The following PTBP3 variants were observed in gnomAD, a reference collection of about 807,000 sequenced individuals.
PTBP3 encodes the protein polypyrimidine tract binding protein 3, also known as polypyrimidine tract-binding protein 3.
A neutral mutation model predicts 58.7 loss-of-function variants in PTBP3; 20 were observed. That is an observed-to-expected ratio of 0.34 (90% CI 0.24 to 0.50). The LOEUF is 0.50. PTBP3 is among the 20% of genes least tolerant of loss of function. The pLI, the probability that PTBP3 is intolerant of heterozygous loss-of-function variation, is 0.98. For synonymous variants in PTBP3, 185 were observed against 219.8 expected, an observed-to-expected ratio of 0.84 and a Z score of 1.40; for missense variants, 509 against 637.2, an observed-to-expected ratio of 0.80 and a Z score of 2.17.
At chr9:112,357,171 C>T in the PTBP3 span, among the ~76,000 whole-genome samples, 3 of 152,006 alleles carry the variant, frequency 2.0e-5, no homozygotes, top group Admixed American at 6.6e-5. Flanking sequence ...CATGAGCCAC[C>T]GCACCCGGCC....
At chr9:112,331,605 T>C (rs138233956) in intron 1 of PTBP3, among the ~76,000 whole-genome samples, 160 of 152,342 alleles carry the variant, frequency 1.1e-3, no homozygotes, top group African/African-American at 3.6e-3. Context: ...AACTGGACGC[T>C]TGCTGCATAA....
At chr9:112,294,367 A>C (rs901417072) in intron 2 of PTBP3, among the ~76,000 whole-genome samples, 11 of 152,094 alleles carry the variant, frequency 7.2e-5, no homozygotes, top group Admixed American at 7.2e-4. Context: ...GAAAATAAAA[A>C]ATTAGCTGGG....
At chr9:112,240,866 T>C (rs1835631642) in intron 7 of PTBP3, among the ~76,000 whole-genome samples, 1 of 152,098 alleles carries the variant, frequency 6.6e-6, no homozygotes. Context: ...TGTGTCTTAG[T>C]TTTTAACAAA....
In PTBP3 at chr9:112,251,915, T is replaced by C. The variant is rs7870951; in HGVS notation, c.627+763A>G. Among the ~76,000 whole-genome samples, 1,403 of 152,240 alleles carry C rather than the reference T, an allele frequency of 9.2e-3. 27 individuals carry two copies. Among genetic ancestry groups the C allele is most frequent in the African/African-American group, 0.032 (1,328 of 41,522 alleles). On this transcript the variant is annotated intron_variant, in intron 6 of 13. Coordinates refer to ENST00000374257, the MANE Select transcript of PTBP3 (RefSeq NM_001163788.4). ...GCAAATATAAAGGCTATACTCCCAA[T>C]TGAGTGCCAGACACTGTGTGGTACA...
chr9:112,299,315 AT>A (rs1054976715), intron 1 of PTBP3, among the ~76,000 whole-genome samples: 1 of 152,176 alleles, frequency 6.6e-6, no homozygotes, highest in South Asian at 2.1e-4. Flanking sequence ...GCAGAAATGT[AT>A]TTTTTCAAGA....
chr9:112,349,620 T>C, the PTBP3 span, among the ~76,000 whole-genome samples: 1 of 151,776 alleles, frequency 6.6e-6, no homozygotes, highest in African/African-American at 2.4e-5. Context: ...GCACTTTGGG[T>C]GGCTGAGGCG....
chr9:112,285,075 G>C (rs1157688137), intron 2 of PTBP3, among the ~76,000 whole-genome samples: 1 of 152,136 alleles, frequency 6.6e-6, no homozygotes, highest in African/African-American at 2.4e-5. Context: ...GTTTCACTCT[G>C]TGTTTCCACC....
intron 2 of PTBP3, among the ~76,000 whole-genome samples, chr9:112,282,480 C>A (rs1827913618): frequency 6.6e-6 from 1 of 151,854 alleles, no homozygotes. Flanking sequence ...GACATTTTTT[C>A]TTTTCTAATA....
chr9:112,238,224 CA>C (rs1042350629), intron 7 of PTBP3, among the ~76,000 whole-genome samples: 3 of 151,620 alleles, frequency 2.0e-5, no homozygotes, highest in Non-Finnish European at 4.4e-5. Flanking sequence ...AAAAGACATA[CA>C]AAAAAAATCT....
At chr9:112,236,927 G>A (rs1362427737) in intron 7 of PTBP3, among the ~76,000 whole-genome samples, 2 of 152,078 alleles carry the variant, frequency 1.3e-5, no homozygotes, top group South Asian at 2.1e-4. Context: ...CACAGCTGCC[G>A]AGGCATGGGA....
intron 12 of PTBP3, among the ~76,000 whole-genome samples, chr9:112,226,338 A>G (rs549409979): frequency 6.2e-4 from 95 of 152,178 alleles, no homozygotes; most frequent in African/African-American, 2.2e-3. Context: ...ATTATTCTCT[A>G]TTACTATTCA....
intron 4 of PTBP3, among the ~76,000 whole-genome samples, chr9:112,267,831 T>C (rs747726919): frequency 6.6e-6 from 1 of 152,226 alleles, no homozygotes; most frequent in Non-Finnish European, 1.5e-5. Flanking sequence ...CCTTTTTTAC[T>C]GTGAAAACAG....
the PTBP3 span, among the ~76,000 whole-genome samples, chr9:112,340,043 C>T: frequency 9.9e-5 from 15 of 152,106 alleles, no homozygotes; most frequent in Non-Finnish European, 1.5e-4. Flanking sequence ...TGGCTCACTG[C>T]AGCCTCAACC....
At chr9:112,317,116 C>T (rs1829739645) in intron 1 of PTBP3, among the ~76,000 whole-genome samples, 1 of 151,744 alleles carries the variant, frequency 6.6e-6, no homozygotes, top group African/African-American at 2.4e-5. Flanking sequence ...CCCATCTCTA[C>T]AAAAAATGTT....
intron 7 of PTBP3, among the ~76,000 whole-genome samples, chr9:112,238,504 G>C (rs926203913): frequency 1.3e-5 from 2 of 151,878 alleles, no homozygotes; most frequent in African/African-American, 4.8e-5. Context: ...GTGTTAAGGG[G>C]GAATATATGA....
intron 1 of PTBP3, among the ~76,000 whole-genome samples, chr9:112,298,369 T>C (rs750263277): frequency 3.3e-5 from 5 of 152,190 alleles, no homozygotes. Context: ...ATCAATAACT[T>C]TTTATCCATT....
chr9:112,374,592 T>C, the PTBP3 span, among the ~76,000 whole-genome samples: 25 of 152,348 alleles, frequency 1.6e-4, no homozygotes, highest in African/African-American at 5.5e-4. Context: ...TCCACTGTTC[T>C]ATCAATCCAG....
chr9:112,234,658 A>G (rs1268127229), intron 8 of PTBP3, among the ~76,000 whole-genome samples, 162 bp downstream of exon 8: 1 of 152,236 alleles, frequency 6.6e-6, no homozygotes, highest in Non-Finnish European at 1.5e-5. Context: ...TGTAAATAAC[A>G]AGGAAGCTAT....
chr9:112,348,681 C>T, the PTBP3 span, among the ~76,000 whole-genome samples: 1 of 152,210 alleles, frequency 6.6e-6, no homozygotes, highest in African/African-American at 2.4e-5. Flanking sequence ...CCGGCTTGGC[C>T]CTCTTCCAAG....
Sources: allele counts gnomAD v4.1 joint callset (sites outside exome capture counted in the v4.1 genomes callset), GRCh38; gene constraint gnomAD v4.1.1; transcripts MANE v1.5; gene names NCBI Gene and HGNC (gene_info 2026-07-23, HGNC 2026-07-21).